PAXBP1: variants seen among roughly 807,000 people sequenced by gnomAD.
The protein encoded by PAXBP1 is PAX3- and PAX7-binding protein 1.
Under a neutral mutation model 119.9 loss-of-function variants are expected in PAXBP1, and 44 were observed. The ratio of observed to expected loss-of-function variants is 0.37; its 90% CI spans 0.29 to 0.47. The LOEUF (loss-of-function observed/expected upper bound fraction) is 0.47, where lower values mean the gene tolerates loss of function less well. Ranked by LOEUF, PAXBP1 falls within the 20% of genes least tolerant of loss-of-function variation. The probability of loss-of-function intolerance (pLI) is 0.99; values close to 1 mark genes in which losing one functional copy is unlikely to be tolerated. For missense variants in PAXBP1, 898 were observed against 1,134.1 expected, an observed-to-expected ratio of 0.79 and a Z score of 2.99; for synonymous variants, 393 against 406.6, an observed-to-expected ratio of 0.97 and a Z score of 0.40.
chr21:32,736,064 G>A (rs2043688300), intron 17 of PAXBP1, among the ~76,000 whole-genome samples: 1 of 152,088 alleles, frequency 6.6e-6, no homozygotes, highest in African/African-American at 2.4e-5. Flanking sequence ...TTTAAAATGT[G>A]ATAAAATTTA....
chr21:32,744,731 G>T, intron 13 of PAXBP1, 61 bp downstream of exon 13: 1 of 1,465,496 alleles, frequency 6.8e-7, no homozygotes. Flanking sequence ...TTCTCTCAAT[G>T]CTTGCTCATA....
chr21:32,734,877 A>C lies in PAXBP1; in HGVS notation c.*73T>G, dbSNP rs1456375569. 9.0e-7 allele frequency: 1 copy of C among 1,107,686 alleles called. No individual in the cohort carries two copies. The highest frequency in any genetic ancestry group is 2.4e-5 in the East Asian group (1 of 42,460). 68.6% of individuals were successfully genotyped at this position (1,107,686 alleles called of 1,614,324 possible). A position where few individuals can be genotyped will look rare whatever the true frequency, so the allele number is the denominator to read the frequency against. On this transcript the variant is annotated 3_prime_UTR_variant, in exon 18 of 18. Coordinates refer to ENST00000331923, the MANE Select transcript of PAXBP1 (RefSeq NM_016631.4). ...AAGAATTGCTATTTTACAGTTTAAG[A>C]AACTTTACATATATACAAAATTTAC...
At position 32,734,719 on chromosome 21, in the gene PAXBP1, C is replaced by A; in HGVS notation, c.*231G>T. On this transcript the variant is annotated 3_prime_UTR_variant, in exon 18 of 18. Coordinates refer to ENST00000331923, the MANE Select transcript of PAXBP1 (RefSeq NM_016631.4). ...TTAATTTAAATGACCATACAAAATA[C>A]TTCAGTAAACAAAGTATGACAGGCA... is the stretch of plus-strand genomic sequence containing the variant. 3.8e-6 allele frequency: 2 copies of A among 532,710 alleles called. No individual in the cohort carries two copies. The highest frequency in any genetic ancestry group is 4.4e-5 in the South Asian group (2 of 45,628). 33.0% of individuals were successfully genotyped at this position (532,710 alleles called of 1,614,324 possible).
At position 32,771,335 on chromosome 21, in the gene PAXBP1, C is replaced by T. The variant is rs947453857; in HGVS notation, c.334G>A (p.Glu112Lys). The part of the protein sequence containing the change: ...PRASLLSFQD[E>K]EEENEEVFKV... Reference sequence around the variant, plus strand: ...GAAGCGCGCACTTTACCTTCCTCCTCGTCCTGGAAGCTGAGCAGGCTGGCC... The same window carrying T: ...GAAGCGCGCACTTTACCTTCCTCCTTGTCCTGGAAGCTGAGCAGGCTGGCC... Residue 112 changes from glutamate to lysine, a missense_variant, in exon 1 of 18, where the codon GAG becomes AAG. By Grantham distance (56) the Glu-to-Lys change is moderately conservative. Coordinates refer to ENST00000331923, the MANE Select transcript of PAXBP1 (RefSeq NM_016631.4). 3 of 1,582,876 alleles carry T rather than the reference C, an allele frequency of 1.9e-6. No homozygotes were observed. Among genetic ancestry groups the T allele is most frequent in the Non-Finnish European group, 2.6e-6 (3 of 1,172,146 alleles).
At chr21:32,760,902 C>CGTGCGTGTGT (rs1491165069) in intron 5 of PAXBP1, among the ~76,000 whole-genome samples, 157 bp downstream of exon 5, 1,775 of 127,754 alleles carry the variant, frequency 0.014, 11 homozygotes, top group East Asian at 0.023. Flanking sequence ...TGCGTGCGTG[C>CGTGCGTGTGT]GTGTGTGTGT....
At chr21:32,735,331 G>A (rs529537832) in intron 17 of PAXBP1, among the ~76,000 whole-genome samples, 1 of 152,094 alleles carries the variant, frequency 6.6e-6, no homozygotes, top group Non-Finnish European at 1.5e-5. Flanking sequence ...AATTCATTGA[G>A]ATCAATGAGT....
At position 32,738,204 on chromosome 21, in the gene PAXBP1, T is replaced by C; in HGVS notation, c.2450A>G (p.Tyr817Cys). 1 of 1,597,318 alleles carries C rather than the reference T, an allele frequency of 6.3e-7. No homozygotes were observed. Among genetic ancestry groups the C allele is most frequent in the Admixed American group, 1.8e-5 (1 of 55,778 alleles). Residue 817 changes from tyrosine to cysteine, a missense_variant, in exon 16 of 18, where the codon TAT becomes TGT. Tyr to Cys is a radical substitution (Grantham distance 194, BLOSUM62 -2). Transcript: ENST00000331923. The stretch of plus-strand genomic sequence containing the variant: ...GGCTTTTTTGATGCTGTCATCTCCA[T>C]ATTCTGAATTCTGAAAAGCCATGAG... ...YILMAFQNSE[Y>C]GDDSIKKAQN...
At chr21:32,768,778 C>T (rs2044285131) in intron 2 of PAXBP1, among the ~76,000 whole-genome samples, 2 of 152,264 alleles carry the variant, frequency 1.3e-5, no homozygotes, top group Non-Finnish European at 2.9e-5. Flanking sequence ...CCTTCACAAT[C>T]TGTCAACGTA....
At chr21:32,740,438 T>C (rs1418546392) in intron 15 of PAXBP1, among the ~76,000 whole-genome samples, 1 of 152,184 alleles carries the variant, frequency 6.6e-6, no homozygotes, top group African/African-American at 2.4e-5. Flanking sequence ...CTTGGCAAAA[T>C]AAACTTTCTA....
intron 7 of PAXBP1, chr21:32,756,241 A>C: frequency 1.9e-6 from 1 of 521,258 alleles, no homozygotes; most frequent in South Asian, 1.5e-5. Flanking sequence ...AACACTAATG[A>C]CCACTACACA....
intron 17 of PAXBP1, among the ~76,000 whole-genome samples, 178 bp from the exon 18 acceptor site, chr21:32,735,245 C>T (rs917444755): frequency 6.6e-6 from 1 of 151,906 alleles, no homozygotes; most frequent in Non-Finnish European, 1.5e-5. Flanking sequence ...TTACATTTAT[C>T]CATATAGAAC....
intron 3 of PAXBP1, among the ~76,000 whole-genome samples, chr21:32,762,911 C>CA (rs763196446): frequency 0.032 from 1,488 of 47,216 alleles, 18 homozygotes; most frequent in South Asian, 0.088. Flanking sequence ...AACTCCGTCT[C>CA]AAAAAAAAAA....
intron 2 of PAXBP1, among the ~76,000 whole-genome samples, chr21:32,768,174 A>G (rs2044275326): frequency 6.6e-6 from 1 of 152,004 alleles, no homozygotes; most frequent in Non-Finnish European, 1.5e-5. Flanking sequence ...CTCCTGATAA[A>G]AGGATGAGTT....
chr21:32,743,116 A>C (rs1569155781), intron 15 of PAXBP1, 132 bp downstream of exon 15: 1 of 757,306 alleles, frequency 1.3e-6, no homozygotes, highest in East Asian at 2.7e-5. Context: ...ATACTTTGTA[A>C]AATGGAGATT....
chr21:32,739,353 G>GTTA (rs2043739722), intron 15 of PAXBP1, among the ~76,000 whole-genome samples: 1 of 152,164 alleles, frequency 6.6e-6, no homozygotes, highest in South Asian at 2.1e-4. Context: ...CCTTGTGCAG[G>GTTA]TTATTGTGTG....
intron 17 of PAXBP1, among the ~76,000 whole-genome samples, chr21:32,737,041 C>G (rs2043702964): frequency 6.6e-6 from 1 of 152,144 alleles, no homozygotes; most frequent in South Asian, 2.1e-4. Context: ...TTGGTCCTTA[C>G]CAGAAGTCTT....
intron 2 of PAXBP1, among the ~76,000 whole-genome samples, chr21:32,769,533 CTTT>C (rs1481342191): frequency 1.3e-5 from 2 of 152,104 alleles, no homozygotes; most frequent in Non-Finnish European, 2.9e-5. Flanking sequence ...GAGAAACCTT[CTTT>C]CTCTGTTCAA....
At position 32,735,084 on chromosome 21, in the gene PAXBP1, TAGC is replaced by T. The variant is rs1569151912; in HGVS notation, c.2637-20_2637-18del. 7.1e-6 allele frequency: 11 copies of T among 1,549,816 alleles called. No individual in the cohort carries two copies. The highest frequency in any genetic ancestry group is 9.8e-6 in the Non-Finnish European group (11 of 1,125,516). On this transcript the variant is annotated intron_variant, in intron 17 of 17. Coordinates refer to ENST00000331923, the MANE Select transcript of PAXBP1 (RefSeq NM_016631.4). ...ATGTTTTCCCTAAAAGAAAAAAATA[TAGC>T]AGCATCTCATTAATTAGTATATCTA...
At chr21:32,767,589 A>G (rs563247860) in intron 2 of PAXBP1, among the ~76,000 whole-genome samples, 17 of 152,314 alleles carry the variant, frequency 1.1e-4, no homozygotes, top group South Asian at 8.3e-4. Flanking sequence ...TAACTAAATC[A>G]TGGGGGCTGG....
Sources: gnomAD v4.1 joint callset for allele counts (sites outside exome capture counted in the v4.1 genomes callset) on GRCh38, gnomAD v4.1.1 for gene constraint, MANE v1.5 for transcripts, NCBI Gene and HGNC (gene_info 2026-07-23, HGNC 2026-07-21) for gene names.